Variants in GATA4 observed in about 807,000 individuals in gnomAD.
The protein encoded by GATA4 is transcription factor GATA-4.
GATA4 carries 7 observed loss-of-function variants against 37.9 expected under a neutral mutation model. The observed-to-expected ratio is 0.18, with a 90% CI of 0.11 to 0.35. GATA4 has a LOEUF of 0.35. Ranked by LOEUF, GATA4 falls within the 10% of genes least tolerant of loss-of-function variation. The pLI is 1.00. For synonymous variants in GATA4, 372 were observed against 292.6 expected (o/e 1.27, Z -2.77); for missense variants, 647 against 653.0 (o/e 0.99, Z 0.10).
At chr8:11,711,559 T>C (rs1234576428) in intron 2 of GATA4, among the ~76,000 whole-genome samples, 1 of 151,928 alleles carries the variant, frequency 6.6e-6, no homozygotes, top group Non-Finnish European at 1.5e-5. Flanking sequence ...AGGAGGATCA[T>C]TTGAGGCCAG....
rs556886741 is a variant in GATA4, at chr8:11,680,885, C to T, written c.-274+3822C>T. 5.1e-6 allele frequency: 5 copies of T among 985,342 alleles called. No homozygotes were observed. The South Asian group carries it at 1.9e-4, about 37-fold the overall frequency. The allele number at this position is 985,342 out of a possible 1,614,324, so 61.0% of individuals were successfully genotyped here. On this transcript the variant is annotated intron_variant, in intron 1 of 6. Transcript: ENST00000528712. ...ACCCATTTCTTCTCAGTTGCGACCC[C>T]CTGTGTGAGACCCCTAAAGAGGCCA...
intron 1 of GATA4, chr8:11,681,185 C>T: frequency 2.0e-6 from 2 of 985,412 alleles, no homozygotes; most frequent in Non-Finnish European, 2.4e-6. Context: ...GGGTTAGTCA[C>T]AGGCCCTGGC....
intron 1 of GATA4, among the ~76,000 whole-genome samples, chr8:11,679,960 G>C (rs2129919576): frequency 6.6e-6 from 1 of 152,320 alleles, no homozygotes; most frequent in Admixed American, 6.5e-5. Context: ...CTGGGGTTTT[G>C]TTTCTCCCAC....
At chr8:11,681,503 G>GTT in intron 1 of GATA4, 6 of 923,920 alleles carry the variant, frequency 6.5e-6, no homozygotes, top group Non-Finnish European at 6.3e-6. Flanking sequence ...GGGGGGGGGG[G>GTT]GGGGGATGGG....
At chr8:11,741,856 T>A (rs1451210784) in intron 2 of GATA4, among the ~76,000 whole-genome samples, 1 of 152,198 alleles carries the variant, frequency 6.6e-6, no homozygotes, top group Non-Finnish European at 1.5e-5. Context: ...TCAGGCCAAA[T>A]TGAGACTGAT....
chr8:11,737,209 T>C (rs1801505718), intron 2 of GATA4, among the ~76,000 whole-genome samples: 1 of 152,064 alleles, frequency 6.6e-6, no homozygotes, highest in Non-Finnish European at 1.5e-5. Flanking sequence ...TCGCCTCCTC[T>C]TCTGAAAGGC....
At chr8:11,728,001 T>G (rs982438112) in intron 2 of GATA4, among the ~76,000 whole-genome samples, 2 of 152,192 alleles carry the variant, frequency 1.3e-5, no homozygotes, top group Non-Finnish European at 2.9e-5. Context: ...ACTTATTTAT[T>G]TATTTAGAGA....
intron 1 of GATA4, among the ~76,000 whole-genome samples, chr8:11,685,634 T>C (rs955183570): frequency 6.6e-6 from 1 of 152,200 alleles, no homozygotes; most frequent in Non-Finnish European, 1.5e-5. Context: ...GTAGGAGTGA[T>C]TTTTCCACAA....
At chr8:11,691,366 T>C (rs1799307247), upstream of GATA4, among the ~76,000 whole-genome samples, 1 of 152,166 alleles carries the variant, frequency 6.6e-6, no homozygotes, top group Admixed American at 6.5e-5. Context: ...AGTGGTGCCA[T>C]CACTGCTCAC....
chr8:11,757,675 C>G (rs1176248489), intron 6 of GATA4, among the ~76,000 whole-genome samples: 2 of 152,210 alleles, frequency 1.3e-5, no homozygotes, highest in South Asian at 2.1e-4. Context: ...TTCATGAGAC[C>G]CAGCTCTGCA....
intron 2 of GATA4, among the ~76,000 whole-genome samples, chr8:11,724,937 G>C (rs1367510691): frequency 6.6e-6 from 1 of 152,256 alleles, no homozygotes; most frequent in African/African-American, 2.4e-5. Context: ...CAGTGTGAAG[G>C]GAAGAGCTGT....
At chr8:11,692,939 A>T (rs967182383) in intron 1 of GATA4, 2 of 984,286 alleles carry the variant, frequency 2.0e-6, no homozygotes, top group African/African-American at 3.5e-5. Flanking sequence ...GTCAGCGCGC[A>T]CCTCATCAAT....
At chr8:11,689,015 T>G (rs542903480), upstream of GATA4, among the ~76,000 whole-genome samples, 8 of 152,372 alleles carry the variant, frequency 5.3e-5, no homozygotes, top group East Asian at 1.5e-3. Flanking sequence ...ACTCCCAGTC[T>G]TCCAGTGGTG....
chr8:11,699,867 A>G (rs774044363), upstream of GATA4, among the ~76,000 whole-genome samples: 2 of 152,274 alleles, frequency 1.3e-5, no homozygotes, highest in South Asian at 2.1e-4. Flanking sequence ...TATTTTTTAA[A>G]TGTTAAACAT....
Position 11,707,151 on chromosome 8 carries a change from G to A in GATA4, c.-457-705G>A, listed in dbSNP as rs938632601. On this transcript the variant is annotated intron_variant, in intron 1 of 6. Transcript: ENST00000532059. The surrounding 1 kb of genome is among the most constrained non-coding windows in gnomAD (Gnocchi z 4.7). Reference sequence around the variant, plus strand: ...ACATTCTTCTCACTTTTCTGGTTCTGATATACAATTTGCAAAACGTCTAAA... The same window carrying A: ...ACATTCTTCTCACTTTTCTGGTTCTAATATACAATTTGCAAAACGTCTAAA... 6.6e-6 allele frequency among the ~76,000 whole-genome samples: 1 copy of A among 152,144 alleles called. No homozygotes were observed. Among genetic ancestry groups the A allele is most frequent in the Non-Finnish European group, 1.5e-5 (1 of 68,012 alleles).
At chr8:11,692,816 CA>C in intron 1 of GATA4, 6 of 982,424 alleles carry the variant, frequency 6.1e-6, no homozygotes, top group Non-Finnish European at 7.2e-6. Flanking sequence ...CAGCGGGCGC[CA>C]GGCCGGGCAG....
At position 11,736,962 on chromosome 8, in the gene GATA4, TTTTTG is replaced by T. The variant is rs569156343; in HGVS notation, c.617-11942_617-11938del. On this transcript the variant is annotated intron_variant, in intron 2 of 6. Coordinates refer to ENST00000532059, the MANE Select transcript of GATA4 (RefSeq NM_001308093.3). ...CTGGTAATGTGGTCTTCATTCTTAT[TTTTTG>T]TTTTGTTTTGTGTTAACTGAACTTA... Among the ~76,000 whole-genome samples the T allele has an allele frequency of 7.1e-3, 1,086 of 152,270 alleles. 8 individuals are homozygous for T. Among genetic ancestry groups the T allele is most frequent in the Non-Finnish European group, 0.011 (768 of 68,018 alleles).
At chr8:11,684,900 G>C (rs1291136407) in intron 1 of GATA4, among the ~76,000 whole-genome samples, 1 of 152,174 alleles carries the variant, frequency 6.6e-6, no homozygotes, top group South Asian at 2.1e-4. Context: ...ACTGCTGCTG[G>C]TGGTTGTGGA....
intron 2 of GATA4, 45 bp from the exon 3 acceptor site, chr8:11,748,871 G>C: frequency 6.2e-7 from 1 of 1,608,494 alleles, no homozygotes; most frequent in Non-Finnish European, 8.5e-7. Context: ...CATAAACAAA[G>C]AATTAATCCT....
Sources: gnomAD v4.1 joint callset for allele counts (sites outside exome capture counted in the v4.1 genomes callset) on GRCh38, gnomAD v4.1.1 for gene constraint, Gnocchi (gnomAD v3.1) non-coding constraint, MANE v1.5 for transcripts, NCBI Gene and HGNC (gene_info 2026-07-23, HGNC 2026-07-21) for gene names.